Variants in NCOA5 observed in about 807,000 individuals in gnomAD.
The protein encoded by NCOA5 is NCoA-5.
In NCOA5, 12 loss-of-function variants were observed where a neutral mutation model predicts 59.0. The observed-to-expected ratio is 0.20, with a 90% CI of 0.13 to 0.33. The LOEUF (loss-of-function observed/expected upper bound fraction) is 0.33, where lower values mean the gene tolerates loss of function less well. NCOA5 is among the 10% of genes least tolerant of loss of function. The pLI is 1.00. For synonymous variants in NCOA5, 270 were observed against 275.5 expected (o/e 0.98, Z 0.20); for missense variants, 655 against 766.6 (o/e 0.85, Z 1.72).
At chr20:46,079,567 AAGAAAAGCCATTCAGC>A (rs1158216629) in intron 1 of NCOA5, 114 bp from the exon 2 acceptor site, 2 of 855,376 alleles carry the variant, frequency 2.3e-6, no homozygotes, top group Admixed American at 2.2e-5. Flanking sequence ...CAGATGGTGT[AAGAAAAGCCATTCAGC>A]AGAGACACAC....
At chr20:46,087,724 A>C (rs537781492) in intron 1 of NCOA5, among the ~76,000 whole-genome samples, 1 of 152,358 alleles carries the variant, frequency 6.6e-6, no homozygotes, top group South Asian at 2.1e-4. Context: ...CCTGGGCAAC[A>C]AGAGTGAAGC....
At chr20:46,073,565 T>A (rs2084906884) in intron 2 of NCOA5, among the ~76,000 whole-genome samples, 1 of 152,218 alleles carries the variant, frequency 6.6e-6, no homozygotes, top group Non-Finnish European at 1.5e-5. Flanking sequence ...GGATTAATGA[T>A]CGGCAGATAA....
At chr20:46,078,041 C>T (rs1210078178) in intron 2 of NCOA5, among the ~76,000 whole-genome samples, 1 of 152,178 alleles carries the variant, frequency 6.6e-6, no homozygotes, top group Non-Finnish European at 1.5e-5. Context: ...ATTTACATGC[C>T]CACTTCCGCA....
chr20:46,085,840 A>G (rs1447671851), intron 1 of NCOA5, among the ~76,000 whole-genome samples: 1 of 152,218 alleles, frequency 6.6e-6, no homozygotes, highest in Non-Finnish European at 1.5e-5. Flanking sequence ...ATGAAGCCAA[A>G]TTAACGAAAC....
Position 46,062,381 on chromosome 20 carries a change from A to G in NCOA5, c.1659T>C (p.Ala553=). 1 of 1,614,100 alleles carries G rather than the reference A, an allele frequency of 6.2e-7. No individual in the cohort carries two copies. The highest frequency in any genetic ancestry group is 8.5e-7 in the Non-Finnish European group (1 of 1,180,010). The change falls in exon 8 of 8, where the codon GCT becomes GCC. Residue 553 remains alanine (A), a synonymous_variant. Coordinates refer to ENST00000290231, the MANE Select transcript of NCOA5 (RefSeq NM_020967.3). ...ALDTLIQSGP[A]LSHLVSQTTA... is the part of the protein sequence containing the mutation. ...TGGTCTGGCTAACCAGGTGGGAGAG[A>G]GCAGGGCCACTCTGGATCAGGGTAT...
chr20:46,077,517 A>C (rs2084949852), intron 2 of NCOA5, among the ~76,000 whole-genome samples: 1 of 152,214 alleles, frequency 6.6e-6, no homozygotes, highest in Non-Finnish European at 1.5e-5. Context: ...TCTATTCTGC[A>C]ATGTGGCTTA....
intron 1 of NCOA5, among the ~76,000 whole-genome samples, chr20:46,082,529 C>G (rs1277526697): frequency 6.6e-6 from 1 of 152,178 alleles, no homozygotes; most frequent in East Asian, 1.9e-4. Flanking sequence ...CTTCTTTCCC[C>G]TTCTGCTATA....
In NCOA5 at chr20:46,062,380, G is replaced by C; in HGVS notation, c.1660C>G (p.Leu554Val). The C allele has an allele frequency of 1.2e-6, 2 of 1,614,176 alleles. No homozygotes were observed. The highest frequency in any genetic ancestry group is 8.5e-7 in the Non-Finnish European group (1 of 1,180,034). ...GTGGTCTGGCTAACCAGGTGGGAGA[G>C]AGCAGGGCCACTCTGGATCAGGGTA... is the stretch of plus-strand genomic sequence containing the variant. ...LDTLIQSGPA[L>V]SHLVSQTTAQ... Residue 554 changes from leucine (L) to valine (V), a missense_variant, in exon 8 of 8, where the codon CTC (leucine) becomes GTC (valine). By Grantham distance (32) the Leu-to-Val change is conservative (BLOSUM62 1). This residue lies in a region of NCOA5 where 325 missense variants were observed against 353.2 expected (regional missense o/e 0.92). Transcript: ENST00000290231.
At chr20:46,075,075 G>A (rs1401318105) in intron 2 of NCOA5, among the ~76,000 whole-genome samples, 1 of 152,164 alleles carries the variant, frequency 6.6e-6, no homozygotes. Flanking sequence ...GTATGATGTT[G>A]ATCCTCCACC....
intron 7 of NCOA5, 117 bp downstream of exon 7, chr20:46,063,242 TG>T (rs989150025): frequency 4.2e-5 from 42 of 995,670 alleles, no homozygotes; most frequent in Non-Finnish European, 5.6e-5. Context: ...ACCCAAGGGA[TG>T]GACTTAGTTC....
intron 2 of NCOA5, among the ~76,000 whole-genome samples, chr20:46,077,478 T>C (rs1319486549): frequency 6.6e-6 from 1 of 152,222 alleles, no homozygotes; most frequent in Non-Finnish European, 1.5e-5. Context: ...AATACCCTTC[T>C]CAATCCATAA....
At position 46,086,045 on chromosome 20, in the gene NCOA5, T is replaced by C. The variant is rs557135911; in HGVS notation, c.-30+3772A>G. ...AATACAGGTGCATGCACCACCACCC[T>C]GGCTAATTTTTTTTGTAGAGACAGG... On this transcript the variant is annotated intron_variant, in intron 1 of 7. Coordinates refer to ENST00000290231, the MANE Select transcript of NCOA5 (RefSeq NM_020967.3). Among the ~76,000 whole-genome samples, 4 of 152,294 alleles carry C rather than the reference T, an allele frequency of 2.6e-5. No individual in the cohort carries two copies. The South Asian group carries it at 8.3e-4, about 32-fold the overall frequency.
chr20:46,087,660 G>A (rs2085058304), intron 1 of NCOA5, among the ~76,000 whole-genome samples: 1 of 152,216 alleles, frequency 6.6e-6, no homozygotes, highest in South Asian at 2.1e-4. Flanking sequence ...TTAGGAGACT[G>A]AGGCAGGAGA....
intron 2 of NCOA5, among the ~76,000 whole-genome samples, chr20:46,072,521 T>C (rs942263528): frequency 6.6e-6 from 1 of 152,114 alleles, no homozygotes; most frequent in African/African-American, 2.4e-5. Context: ...TAGAATTCAA[T>C]CTACAACCTC....
chr20:46,081,297 G>T (rs2084989526), intron 1 of NCOA5, among the ~76,000 whole-genome samples: 1 of 151,988 alleles, frequency 6.6e-6, no homozygotes. Context: ...TAATTGGTAG[G>T]TTTCTATTAC....
intron 1 of NCOA5, among the ~76,000 whole-genome samples, chr20:46,086,207 A>G (rs2085043727): frequency 6.6e-6 from 1 of 152,254 alleles, no homozygotes; most frequent in South Asian, 2.1e-4. Flanking sequence ...TAAAGGTATA[A>G]GACAAGACAC....
At chr20:46,075,716 A>G (rs1279725013) in intron 2 of NCOA5, among the ~76,000 whole-genome samples, 8 of 152,202 alleles carry the variant, frequency 5.3e-5, no homozygotes, top group Non-Finnish European at 1.0e-4. Context: ...GGTAACTGAG[A>G]TATCTAAGGC....
At chr20:46,070,623 C>G (rs2084873229) in intron 2 of NCOA5, 87 bp from the exon 3 acceptor site, 2 of 1,273,604 alleles carry the variant, frequency 1.6e-6, no homozygotes, top group South Asian at 2.7e-5. Flanking sequence ...CCCCCACCCT[C>G]CAAGCATTCT....
chr20:46,065,869 C>T (rs1293437415), intron 5 of NCOA5, among the ~76,000 whole-genome samples: 2 of 152,144 alleles, frequency 1.3e-5, no homozygotes, highest in African/African-American at 2.4e-5. Flanking sequence ...ATCCACCATA[C>T]GTATAAAAGA....
Sources: allele counts gnomAD v4.1 joint callset (sites outside exome capture counted in the v4.1 genomes callset), GRCh38; gene constraint gnomAD v4.1.1; regional missense constraint gnomAD v4.1.1; transcripts MANE v1.5; gene names NCBI Gene and HGNC (gene_info 2026-07-23, HGNC 2026-07-21).